Variants in CSMD1 observed in about 807,000 individuals in gnomAD.
CSMD1 encodes CUB and sushi domain-containing protein 1.
A neutral mutation model predicts 417.5 loss-of-function variants in CSMD1; 213 were observed. The ratio of observed to expected loss-of-function variants is 0.51; its 90% CI spans 0.46 to 0.57. CSMD1 has a LOEUF of 0.57. CSMD1 is among the 20% of genes least tolerant of loss of function. The pLI, the probability that CSMD1 is intolerant of heterozygous loss-of-function variation, is 0.00. For synonymous variants in CSMD1, 2,862 were observed against 1,736.8 expected (o/e 1.65, Z -16.11); for missense variants, 6,923 against 4,529.7 (o/e 1.53, Z -15.17).
chr8:4,572,408 T>C (rs1332006189), intron 2 of CSMD1, among the ~76,000 whole-genome samples: 1 of 152,212 alleles, frequency 6.6e-6, no homozygotes. Context: ...AATTCTGGGT[T>C]GAAAATACTT....
At chr8:4,959,985 T>A (rs1809372603) in intron 1 of CSMD1, among the ~76,000 whole-genome samples, 1 of 152,216 alleles carries the variant, frequency 6.6e-6, no homozygotes, top group South Asian at 2.1e-4. Flanking sequence ...GTTACTGACT[T>A]ATGGTTTCTC....
intron 1 of CSMD1, among the ~76,000 whole-genome samples, chr8:4,831,030 C>T (rs1313874402): frequency 6.6e-6 from 1 of 152,206 alleles, no homozygotes; most frequent in East Asian, 1.9e-4. Context: ...TGGTGAATAA[C>T]AGGATGATCT....
chr8:4,047,591 C>T (rs939107877), intron 3 of CSMD1, among the ~76,000 whole-genome samples: 14 of 151,744 alleles, frequency 9.2e-5, no homozygotes, highest in African/African-American at 3.1e-4. Context: ...TTACTGAATG[C>T]GTATTATGTG....
intron 1 of CSMD1, among the ~76,000 whole-genome samples, chr8:4,681,478 T>G (rs1311189634): frequency 6.6e-6 from 1 of 152,152 alleles, no homozygotes; most frequent in Non-Finnish European, 1.5e-5. Flanking sequence ...CCACAAATGG[T>G]GAGCACAAAT....
At chr8:4,272,995 G>A (rs1305254440) in intron 3 of CSMD1, among the ~76,000 whole-genome samples, 1 of 152,132 alleles carries the variant, frequency 6.6e-6, no homozygotes, top group Admixed American at 6.5e-5. Context: ...GCTTAAAACA[G>A]CTATTGCGTC....
intron 3 of CSMD1, among the ~76,000 whole-genome samples, chr8:4,175,237 A>T (rs1018631382): frequency 1.3e-5 from 2 of 152,166 alleles, no homozygotes; most frequent in Non-Finnish European, 1.5e-5. Flanking sequence ...TCACAATGTC[A>T]ACCAATTAAA....
At chr8:4,891,147 T>A (rs1804095851) in intron 1 of CSMD1, among the ~76,000 whole-genome samples, 1 of 152,158 alleles carries the variant, frequency 6.6e-6, no homozygotes, top group African/African-American at 2.4e-5. Context: ...GTATGAACTC[T>A]GTGTTTTGAG....
intron 4 of CSMD1, among the ~76,000 whole-genome samples, chr8:4,005,502 T>C (rs966255985): frequency 2.6e-5 from 4 of 152,190 alleles, no homozygotes; most frequent in African/African-American, 9.6e-5. Flanking sequence ...TTTCAAATCA[T>C]GTGGCGATAC....
intron 1 of CSMD1, chr8:4,788,684 G>T: frequency 5.4e-6 from 3 of 553,784 alleles, no homozygotes; most frequent in Middle Eastern, 5.1e-4. Context: ...ATAAATTAGA[G>T]AACACAAATA....
Position 3,960,497 on chromosome 8 carries a change from T to C in CSMD1, c.818+37406A>G, listed in dbSNP as rs117006837. 3.5e-3 allele frequency among the ~76,000 whole-genome samples: 540 copies of C among 152,324 alleles called. 3 individuals are homozygous for C. The highest frequency in any genetic ancestry group is 5.7e-3 in the Non-Finnish European group (387 of 68,034). ...TTATGCCTTTAAAGACTGATTCTTA[T>C]AAATATTGAGAAAATTTAAAAATTA... is the stretch of plus-strand genomic sequence containing the variant. On this transcript the variant is annotated intron_variant, in intron 5 of 69. Coordinates refer to ENST00000635120, the MANE Select transcript of CSMD1 (RefSeq NM_033225.6).
chr8:4,027,601 G>C (rs981510775), intron 4 of CSMD1, among the ~76,000 whole-genome samples: 4 of 152,144 alleles, frequency 2.6e-5, no homozygotes, highest in Non-Finnish European at 4.4e-5. Context: ...CAGCCATGCA[G>C]AACTGTGAGT....
At chr8:4,051,188 AATCTCTGCTGAG>A (rs1295276189) in intron 3 of CSMD1, among the ~76,000 whole-genome samples, 1 of 15,300 alleles carries the variant, frequency 6.5e-5, no homozygotes, top group Non-Finnish European at 2.1e-4. Flanking sequence ...CCCTGCTGAG[AATCTCTGCTGAG>A]AGCACAGCCT....
At chr8:4,824,239 G>A (rs866664947) in intron 1 of CSMD1, among the ~76,000 whole-genome samples, 68 of 152,114 alleles carry the variant, frequency 4.5e-4, no homozygotes, top group African/African-American at 1.5e-3. Flanking sequence ...CCAAGAAAGA[G>A]GGCTAGAGAT....
chr8:3,794,728 T>A (rs1274971133), intron 5 of CSMD1, among the ~76,000 whole-genome samples: 1 of 152,050 alleles, frequency 6.6e-6, no homozygotes, highest in Non-Finnish European at 1.5e-5. Context: ...TCCTCCGATA[T>A]CTCACAGTTG....
At chr8:4,058,229 C>G (rs549069923) in intron 3 of CSMD1, among the ~76,000 whole-genome samples, 2 of 152,046 alleles carry the variant, frequency 1.3e-5, no homozygotes, top group Non-Finnish European at 1.5e-5. Flanking sequence ...GTTTGTAGTT[C>G]TCCTTGAAGA....
chr8:4,474,889 T>A (rs745609940), intron 2 of CSMD1, among the ~76,000 whole-genome samples: 1 of 152,224 alleles, frequency 6.6e-6, no homozygotes, highest in Non-Finnish European at 1.5e-5. Context: ...TTCTCTAGCT[T>A]ACTTTCTTGT....
chr8:4,824,983 G>C (rs1426210227), intron 1 of CSMD1, among the ~76,000 whole-genome samples: 2 of 152,080 alleles, frequency 1.3e-5, no homozygotes, highest in Non-Finnish European at 2.9e-5. Context: ...TCTTTGGAAA[G>C]TGAGCGAACC....
chr8:4,778,033 T>C (rs1377156121), intron 1 of CSMD1, among the ~76,000 whole-genome samples: 3 of 152,182 alleles, frequency 2.0e-5, no homozygotes. Context: ...TAGATGGTAG[T>C]GGAGAGTTAA....
chr8:4,648,077 G>A (rs1175739468), intron 1 of CSMD1, among the ~76,000 whole-genome samples: 1 of 152,172 alleles, frequency 6.6e-6, no homozygotes, highest in Non-Finnish European at 1.5e-5. Context: ...ACAAGCATCT[G>A]TTGTTTCCTT....
Sources: allele counts gnomAD v4.1 joint callset (sites outside exome capture counted in the v4.1 genomes callset), GRCh38; gene constraint gnomAD v4.1.1; transcripts MANE v1.5; gene names NCBI Gene and HGNC (gene_info 2026-07-23, HGNC 2026-07-21).